Variants in FUBP3 observed in about 807,000 individuals in gnomAD.
The protein encoded by FUBP3 is far upstream element binding protein 3.
A neutral mutation model predicts 85.6 loss-of-function variants in FUBP3; 28 were observed. That is an observed-to-expected ratio of 0.33 (90% CI 0.24 to 0.45). The LOEUF is 0.45. Among genes scored for constraint, FUBP3 ranks in the 20% least tolerant of loss-of-function variants. The pLI is 1.00. For missense variants in FUBP3, 583 were observed against 755.1 expected, an observed-to-expected ratio of 0.77 and a Z score of 2.67; for synonymous variants, 271 against 271.4, an observed-to-expected ratio of 1.00 and a Z score of 0.01.
chr9:130,599,166 C>T (rs1003733619), intron 2 of FUBP3, among the ~76,000 whole-genome samples: 1 of 152,070 alleles, frequency 6.6e-6, no homozygotes, highest in Non-Finnish European at 1.5e-5. Context: ...ATGGCACGCG[C>T]CTGTAGTCCC....
At chr9:130,590,323 C>T (rs746841801) in intron 1 of FUBP3, among the ~76,000 whole-genome samples, 2 of 152,152 alleles carry the variant, frequency 1.3e-5, no homozygotes, top group Non-Finnish European at 2.9e-5. Context: ...AGGTCACATG[C>T]GGGAAGAACT....
At chr9:130,601,028 A>G (rs141984117) in intron 2 of FUBP3, among the ~76,000 whole-genome samples, 101 of 152,308 alleles carry the variant, frequency 6.6e-4, no homozygotes, top group African/African-American at 2.4e-3. Flanking sequence ...AAGCTACGCT[A>G]TTGGAGTTCA....
intron 2 of FUBP3, among the ~76,000 whole-genome samples, chr9:130,602,505 G>A (rs1302260316): frequency 6.6e-6 from 1 of 152,110 alleles, no homozygotes; most frequent in Non-Finnish European, 1.5e-5. Context: ...GCGGTGGTGA[G>A]AGCCATGATG....
Position 130,631,860 on chromosome 9 carries a change from C to CTCAGTGCCCTGGGGCTGCGGG in FUBP3, c.1353-81_1353-61dup. On this transcript the variant is annotated intron_variant, in intron 14 of 18. Coordinates refer to ENST00000319725, the MANE Select transcript of FUBP3 (RefSeq NM_003934.2). ...GAGGGTCTTCTGTCCCGACTGCCCC[C>CTCAGTGCCCTGGGGCTGCGGG]TCAGTGCCCTGGGGCTGCGGGGAGG... 2.8e-6 allele frequency: 3 copies of CTCAGTGCCCTGGGGCTGCGGG among 1,079,224 alleles called. No individual in the cohort carries two copies. In the South Asian group the frequency reaches 3.9e-5, roughly 14 times the overall value. The allele number at this position is 1,079,224 out of a possible 1,614,324, so 66.9% of individuals were successfully genotyped here.
intron 1 of FUBP3, chr9:130,581,832 G>A (rs555422375): frequency 2.0e-5 from 3 of 152,260 alleles, no homozygotes; most frequent in South Asian, 2.1e-4. Flanking sequence ...AGTGTCTCAC[G>A]CTCAGTTTTT....
Position 130,579,677 on chromosome 9 carries a change from G to A in FUBP3, c.-4G>A, listed in dbSNP as rs1830045772. On this transcript the variant is annotated 5_prime_UTR_variant, in exon 1 of 19. Transcript: ENST00000319725. ...CGGCGGCGGCGACGGCGGCGGGGGC[G>A]GTAATGGCGGAGCTGGTGCAGGGGC... 13 of 1,251,336 alleles carry A rather than the reference G, an allele frequency of 1.0e-5. No individual in the cohort carries two copies. Among genetic ancestry groups the A allele is most frequent in the Non-Finnish European group, 1.3e-5 (13 of 996,246 alleles). 77.5% of individuals were successfully genotyped at this position (1,251,336 alleles called of 1,614,324 possible). A position where few individuals can be genotyped will look rare whatever the true frequency, so the allele number is the denominator to read the frequency against.
chr9:130,598,539 G>A (rs1299059170), intron 2 of FUBP3, among the ~76,000 whole-genome samples: 2 of 152,188 alleles, frequency 1.3e-5, no homozygotes, highest in Non-Finnish European at 2.9e-5. Context: ...TGATTGCCTC[G>A]AAAAGGTAAA....
intron 2 of FUBP3, among the ~76,000 whole-genome samples, chr9:130,603,109 G>A (rs1418876393): frequency 1.3e-5 from 2 of 152,160 alleles, no homozygotes; most frequent in Non-Finnish European, 2.9e-5. Context: ...CACTTTGGGA[G>A]GCTGAAGCGG....
At chr9:130,609,911 TG>T in intron 2 of FUBP3, 42 bp from the exon 3 acceptor site, 1 of 1,499,044 alleles carries the variant, frequency 6.7e-7, no homozygotes, top group Non-Finnish European at 9.3e-7. Flanking sequence ...AGTTTATCCG[TG>T]CTAATGCTTT....
At position 130,616,568 on chromosome 9, in the gene FUBP3, A is replaced by C. The variant is rs1426571279; in HGVS notation, c.567+51A>C. 1 of 1,568,198 alleles carries C rather than the reference A, an allele frequency of 6.4e-7. No individual in the cohort carries two copies. The highest frequency in any genetic ancestry group is 1.1e-5 in the South Asian group (1 of 89,460). ...CAGCGGCCGCTCGCAGCAGGTCTTC[A>C]GCTTCCTGGCCCAGGAGATCTGCTT... On this transcript the variant is annotated intron_variant, in intron 7 of 18. Transcript: ENST00000319725. This position sits in a 1 kb window ranked among gnomAD's most constrained non-coding sequence, Gnocchi z 4.7.
intron 9 of FUBP3, among the ~76,000 whole-genome samples, chr9:130,620,756 A>G (rs1385194492): frequency 6.6e-6 from 1 of 152,208 alleles, no homozygotes; most frequent in Admixed American, 6.5e-5. Flanking sequence ...GATGTATATC[A>G]TGATTCTGTC....
intron 1 of FUBP3, among the ~76,000 whole-genome samples, chr9:130,584,568 AAG>A (rs559705657): frequency 6.6e-6 from 1 of 151,890 alleles, no homozygotes. Flanking sequence ...CATTAAAAAA[AAG>A]AGAGAGCAAG....
chr9:130,609,587 T>G (rs1490671051), intron 2 of FUBP3, among the ~76,000 whole-genome samples: 1 of 152,228 alleles, frequency 6.6e-6, no homozygotes, highest in Non-Finnish European at 1.5e-5. Flanking sequence ...CATTTGTTTT[T>G]AAAAGAGAAA....
At chr9:130,620,325 C>T (rs145772199) in intron 8 of FUBP3, 29 bp from the exon 9 acceptor site, 4 of 1,339,514 alleles carry the variant, frequency 3.0e-6, no homozygotes, top group Non-Finnish European at 4.2e-6. Context: ...AATTTTTTCT[C>T]ATAATGCTTT....
chr9:130,595,156 G>C (rs150163386), intron 1 of FUBP3, among the ~76,000 whole-genome samples: 169 of 150,554 alleles, frequency 1.1e-3, no homozygotes, highest in African/African-American at 3.9e-3. Flanking sequence ...AACCCGGGAG[G>C]CAAAGGTTGC....
At chr9:130,628,759 ATTC>A (rs148643637) in intron 12 of FUBP3, among the ~76,000 whole-genome samples, 22,757 of 151,864 alleles carry the variant, frequency 0.15, 1,808 homozygotes, top group Admixed American at 0.21. Flanking sequence ...TTTGGTTTCT[ATTC>A]TTTTTTATTT....
intron 11 of FUBP3, among the ~76,000 whole-genome samples, chr9:130,624,621 G>A (rs950326005): frequency 2.0e-4 from 30 of 148,136 alleles, no homozygotes; most frequent in South Asian, 1.3e-3. Context: ...GTGTGTGTGT[G>A]TGTGTGTGTG....
At chr9:130,587,007 C>G (rs1830367225) in intron 1 of FUBP3, among the ~76,000 whole-genome samples, 1 of 151,810 alleles carries the variant, frequency 6.6e-6, no homozygotes, top group Non-Finnish European at 1.5e-5. Flanking sequence ...CCTCGGCCTC[C>G]CAAAGTGCTA....
intron 16 of FUBP3, among the ~76,000 whole-genome samples, chr9:130,632,571 C>G (rs899665917): frequency 6.6e-6 from 1 of 152,250 alleles, no homozygotes; most frequent in Non-Finnish European, 1.5e-5. Context: ...CTGTCACTTT[C>G]GTTCCCTATG....
Sources: gnomAD v4.1 joint callset for allele counts (sites outside exome capture counted in the v4.1 genomes callset) on GRCh38, gnomAD v4.1.1 for gene constraint, Gnocchi (gnomAD v3.1) non-coding constraint, MANE v1.5 for transcripts, NCBI Gene and HGNC (gene_info 2026-07-23, HGNC 2026-07-21) for gene names.